The following ELF2 variants were observed in gnomAD, a reference collection of about 807,000 sequenced individuals.
ELF2 encodes ETS-related transcription factor Elf-2.
ELF2 carries 11 observed loss-of-function variants against 54.8 expected under a neutral mutation model. The observed-to-expected ratio is 0.20, with a 90% confidence interval of 0.13 to 0.33. ELF2 has a LOEUF of 0.33. Ranked by LOEUF, ELF2 falls within the 10% of genes least tolerant of loss-of-function variation. The pLI, the probability that ELF2 is intolerant of heterozygous loss-of-function variation, is 1.00. For missense variants in ELF2, 513 were observed against 703.0 expected (o/e 0.73, Z 3.06); for synonymous variants, 203 against 245.1 (o/e 0.83, Z 1.61).
At chr4:139,085,638 C>G (rs1349102558) in intron 4 of ELF2, among the ~76,000 whole-genome samples, 2 of 152,174 alleles carry the variant, frequency 1.3e-5, no homozygotes, top group Non-Finnish European at 2.9e-5. Context: ...ATGATCCTCA[C>G]TCTCCCAAAA....
At chr4:139,094,474 G>C (rs1733028477) in intron 4 of ELF2, among the ~76,000 whole-genome samples, 1 of 152,216 alleles carries the variant, frequency 6.6e-6, no homozygotes, top group African/African-American at 2.4e-5. Context: ...TACTGAGTAA[G>C]TAGAAAGGTA....
intron 4 of ELF2, 140 bp downstream of exon 4, chr4:139,125,024 C>A: frequency 2.0e-6 from 2 of 990,770 alleles, no homozygotes; most frequent in Non-Finnish European, 2.8e-6. Context: ...TTCCCTTAAA[C>A]ATAGATGTTT....
intron 4 of ELF2, among the ~76,000 whole-genome samples, chr4:139,122,547 C>G (rs113913729): frequency 0.027 from 4,067 of 151,404 alleles, 97 homozygotes; most frequent in African/African-American, 0.064. Flanking sequence ...TGTCCCCCAG[C>G]CTGGAGTGCA....
chr4:139,070,747 T>C (rs931312767), intron 6 of ELF2, among the ~76,000 whole-genome samples: 1 of 152,166 alleles, frequency 6.6e-6, no homozygotes, highest in African/African-American at 2.4e-5. Context: ...CCTCCTAAAT[T>C]CTCTCATGTA....
intron 4 of ELF2, among the ~76,000 whole-genome samples, chr4:139,112,874 G>C (rs570818941): frequency 1.3e-5 from 2 of 152,026 alleles, no homozygotes; most frequent in South Asian, 4.2e-4. Flanking sequence ...CAGCCTGAGT[G>C]ACGGAACAAG....
chr4:139,115,382 G>T lies in ELF2; in HGVS notation c.238+9782C>A, dbSNP rs1319792437. 88 of 1,040,524 alleles carry T rather than the reference G, an allele frequency of 8.5e-5. 1 individual carries two copies. Among genetic ancestry groups the T allele is most frequent in the Non-Finnish European group, 5.8e-5 (50 of 863,556 alleles). The allele number at this position is 1,040,524 out of a possible 1,614,324, so 64.5% of individuals were successfully genotyped here. ...GGTGCCGCTGTCCGCCATGGCGGCCGCCGGGGCCACGTGCGCGCATCGGGC... is the reference window on the plus strand; with the variant it reads ...GGTGCCGCTGTCCGCCATGGCGGCCTCCGGGGCCACGTGCGCGCATCGGGC... On this transcript the variant is annotated intron_variant, in intron 4 of 9. Coordinates refer to ENST00000686138, the MANE Select transcript of ELF2 (RefSeq NM_001331036.3).
intron 7 of ELF2, among the ~76,000 whole-genome samples, chr4:139,064,740 C>T (rs939988877): frequency 3.3e-5 from 5 of 151,968 alleles, no homozygotes; most frequent in Non-Finnish European, 5.9e-5. Flanking sequence ...ATTAGCCGGG[C>T]GTGGTGCCAC....
At chr4:139,162,469 T>C in intron 1 of ELF2, among the ~76,000 whole-genome samples, 1 of 152,062 alleles carries the variant, frequency 6.6e-6, no homozygotes, top group Non-Finnish European at 1.5e-5. Flanking sequence ...AAGTGGAGGT[T>C]GCAGTGAGCC....
At position 139,067,802 on chromosome 4, in the gene ELF2, G is replaced by C. The variant is rs186152380; in HGVS notation, c.527-32C>G. The C allele has an allele frequency of 2.0e-6, 3 of 1,537,006 alleles. No individual in the cohort carries two copies. In the South Asian group the frequency reaches 3.8e-5, roughly 19 times the overall value. ...AAATAAGATATTGAAACCATACGTT[G>C]AAAACAAGAAAAATATGAGAGGCAC... On this transcript the variant is annotated intron_variant, in intron 6 of 9. Transcript: ENST00000686138.
rs939260185 is a variant in ELF2 at position 139,057,793 on chromosome 4, C to T, written c.*1190G>A. The T allele has an allele frequency of 2.0e-5, 3 of 152,398 alleles. No individual in the cohort carries two copies. The highest frequency in any genetic ancestry group is 4.4e-5 in the Non-Finnish European group (3 of 68,008). 9.4% of individuals were successfully genotyped at this position (152,398 alleles called of 1,614,324 possible). A position where few individuals can be genotyped will look rare whatever the true frequency, so the allele number is the denominator to read the frequency against. Reference sequence around the variant, plus strand: ...GAGAAGAGAGATGTTTTATCACTTCCTAACTAAAACACTTCTATACTGACT... The same window carrying T: ...GAGAAGAGAGATGTTTTATCACTTCTTAACTAAAACACTTCTATACTGACT... On this transcript the variant is annotated 3_prime_UTR_variant, in exon 10 of 10. Transcript: ENST00000686138.
intron 1 of ELF2, among the ~76,000 whole-genome samples, chr4:139,159,540 T>C (rs763125068): frequency 2.6e-5 from 4 of 152,222 alleles, no homozygotes; most frequent in Non-Finnish European, 5.9e-5. Flanking sequence ...GTTGGAACTC[T>C]AGCTGCTTTT....
At chr4:139,168,147 C>A (rs192226677) in intron 1 of ELF2, among the ~76,000 whole-genome samples, 1 of 152,160 alleles carries the variant, frequency 6.6e-6, no homozygotes, top group Non-Finnish European at 1.5e-5. Flanking sequence ...AATGTCTGTG[C>A]TATTACTAAT....
chr4:139,116,885 A>G, intron 4 of ELF2: 1 of 207,282 alleles, frequency 4.8e-6, no homozygotes, highest in Non-Finnish European at 8.4e-6. Flanking sequence ...CAAGAAAGAA[A>G]TTTGGCTCCT....
intron 3 of ELF2, among the ~76,000 whole-genome samples, chr4:139,131,139 A>C (rs1475286842): frequency 1.3e-5 from 2 of 152,214 alleles, no homozygotes; most frequent in Non-Finnish European, 2.9e-5. Flanking sequence ...GTGCAAATAA[A>C]AAAATACAGG....
intron 4 of ELF2, among the ~76,000 whole-genome samples, chr4:139,123,094 G>T (rs1736553146): frequency 6.6e-6 from 1 of 150,762 alleles, no homozygotes; most frequent in Non-Finnish European, 1.5e-5. Context: ...TGAGGCAGGA[G>T]AATCATTTGA....
intron 3 of ELF2, among the ~76,000 whole-genome samples, chr4:139,132,469 A>C (rs999493501): frequency 6.6e-6 from 1 of 152,144 alleles, no homozygotes; most frequent in Non-Finnish European, 1.5e-5. Flanking sequence ...ACATACACGC[A>C]GACCTAGGCA....
chr4:139,173,956 G>C (rs1245251038), intron 1 of ELF2, among the ~76,000 whole-genome samples: 3 of 150,986 alleles, frequency 2.0e-5, no homozygotes, highest in African/African-American at 2.4e-5. Flanking sequence ...GGACGCGGTG[G>C]CTCACCCCTG....
intron 1 of ELF2, among the ~76,000 whole-genome samples, chr4:139,152,384 G>A (rs1740092580): frequency 6.6e-6 from 1 of 151,726 alleles, no homozygotes; most frequent in Non-Finnish European, 1.5e-5. Flanking sequence ...GCCCAGGCTG[G>A]AATGCAATGG....
chr4:139,168,891 G>A (rs887084455), intron 1 of ELF2, among the ~76,000 whole-genome samples: 9 of 152,034 alleles, frequency 5.9e-5, no homozygotes, highest in Non-Finnish European at 1.3e-4. Context: ...TTGATCAAAA[G>A]GGGGAAAAGT....
Sources: allele counts gnomAD v4.1 joint callset (sites outside exome capture counted in the v4.1 genomes callset), GRCh38; gene constraint gnomAD v4.1.1; transcripts MANE v1.5; gene names NCBI Gene and HGNC (gene_info 2026-07-23, HGNC 2026-07-21).